TTC3: variants seen among roughly 807,000 people sequenced by gnomAD.
The protein encoded by TTC3 is tetratricopeptide repeat domain 3.
TTC3 carries 180 observed loss-of-function variants against 249.6 expected under a neutral mutation model. That is an observed-to-expected ratio of 0.72 (90% CI 0.64 to 0.82). The LOEUF is 0.82. Among genes scored for constraint, TTC3 ranks in the 40% least tolerant of loss-of-function variants. TTC3 has a pLI of 0.00. For missense variants in TTC3, 2,061 were observed against 2,398.4 expected, an observed-to-expected ratio of 0.86 and a Z score of 2.94; for synonymous variants, 717 against 805.0, an observed-to-expected ratio of 0.89 and a Z score of 1.85.
At chr21:37,129,478 C>T (rs955082917) in intron 16 of TTC3, among the ~76,000 whole-genome samples, 2 of 152,222 alleles carry the variant, frequency 1.3e-5, no homozygotes, top group African/African-American at 4.8e-5. Context: ...GGGAAACTTA[C>T]TCTGCATACG....
chr21:37,177,599 C>T (rs779213903), intron 35 of TTC3, among the ~76,000 whole-genome samples: 8 of 152,252 alleles, frequency 5.3e-5, no homozygotes, highest in African/African-American at 1.4e-4. Flanking sequence ...GTTTGTCATT[C>T]GATTTCTCAC....
chr21:37,077,038 C>A (rs1035354384), intron 1 of TTC3, among the ~76,000 whole-genome samples: 6 of 151,798 alleles, frequency 4.0e-5, no homozygotes, highest in African/African-American at 1.5e-4. Context: ...TTAGGGAAAG[C>A]CTCTTTTAAT....
chr21:37,073,656 A>G (rs2070357613), intron 1 of TTC3, among the ~76,000 whole-genome samples, 183 bp downstream of exon 1: 1 of 151,876 alleles, frequency 6.6e-6, no homozygotes, highest in Admixed American at 6.5e-5. Context: ...GGGTGTGAGT[A>G]GTCCCTTTGT....
chr21:37,129,586 A>G (rs1424910147), intron 16 of TTC3, among the ~76,000 whole-genome samples: 1 of 152,242 alleles, frequency 6.6e-6, no homozygotes, highest in Non-Finnish European at 1.5e-5. Flanking sequence ...AATGAATTCT[A>G]TCAAACATCC....
intron 35 of TTC3, among the ~76,000 whole-genome samples, chr21:37,176,767 AGCAGCTGAT>A (rs2082315176): frequency 6.6e-6 from 1 of 152,208 alleles, no homozygotes; most frequent in South Asian, 2.1e-4. Context: ...TGGAGGTGGG[AGCAGCTGAT>A]GCAGCTTTCC....
At chr21:37,146,474 G>A (rs778682966) in intron 21 of TTC3, among the ~76,000 whole-genome samples, 30 of 152,056 alleles carry the variant, frequency 2.0e-4, no homozygotes, top group African/African-American at 3.4e-4. Flanking sequence ...AGCTGAGATC[G>A]TGCCACTGCA....
rs546770303 is a variant in TTC3, at chr21:37,108,598, G to A, written c.900+152G>A. 229 of 748,898 alleles carry A rather than the reference G, an allele frequency of 3.1e-4. 1 individual carries two copies. Among genetic ancestry groups the A allele is most frequent in the Middle Eastern group, 1.5e-3 (4 of 2,676 alleles). 46.4% of individuals were successfully genotyped at this position (748,898 alleles called of 1,614,324 possible). ...GGGAGTCATCAGATCCATGATCAGC[G>A]TGGGGACCCAGCCACAGCACTGACA... On this transcript the variant is annotated intron_variant, in intron 11 of 45. Transcript: ENST00000355666.
At chr21:37,124,787 C>T (rs539491394) in intron 14 of TTC3, 45 bp downstream of exon 14, 1 of 1,590,114 alleles carries the variant, frequency 6.3e-7, no homozygotes, top group South Asian at 1.1e-5. Flanking sequence ...GATAGATAGT[C>T]TCATATTTTT....
chr21:37,148,164 G>A (rs1222646458), intron 22 of TTC3, among the ~76,000 whole-genome samples: 1 of 152,162 alleles, frequency 6.6e-6, no homozygotes, highest in East Asian at 1.9e-4. Context: ...AGGAGGATAG[G>A]AAACAAAGTG....
At chr21:37,124,112 C>CTTTTTGTTTT (rs2076852570) in intron 13 of TTC3, among the ~76,000 whole-genome samples, 1 of 61,272 alleles carries the variant, frequency 1.6e-5, no homozygotes, top group Non-Finnish European at 2.8e-5. Flanking sequence ...TTGAACTGTT[C>CTTTTTGTTTT]TTTTTTTTTT....
chr21:37,201,715 C>CA, exon 46 of TTC3: 3 of 1,111,070 alleles, frequency 2.7e-6, no homozygotes, highest in Non-Finnish European at 2.5e-6. Context: ...TCGTTAATAT[C>CA]GCTGATATTA....
exon 33 of TTC3, chr21:37,166,566 G>A (rs1438497766): frequency 6.8e-6 from 11 of 1,613,884 alleles, no homozygotes; most frequent in Non-Finnish European, 9.3e-6. Context: ...ATTCCAGAAA[G>A]CACCAGTGCA....
chr21:37,133,250 T>C (rs1336775403), intron 17 of TTC3, among the ~76,000 whole-genome samples: 2 of 152,200 alleles, frequency 1.3e-5, no homozygotes, highest in South Asian at 2.1e-4. Context: ...TTTAACTTAA[T>C]CAGATAATGT....
intron 35 of TTC3, among the ~76,000 whole-genome samples, chr21:37,173,408 C>A (rs2081977916): frequency 6.6e-6 from 1 of 152,172 alleles, no homozygotes; most frequent in African/African-American, 2.4e-5. Flanking sequence ...TTGTTGAGAT[C>A]TGCTGACCTT....
At chr21:37,111,875 G>A (rs62223615) in intron 11 of TTC3, among the ~76,000 whole-genome samples, 68,749 of 151,340 alleles carry the variant, frequency 0.45, 16,164 homozygotes, top group Non-Finnish European at 0.52. Flanking sequence ...CAATCAAACT[G>A]GAACTCAGGA....
chr21:37,141,323 G>T (rs1487468788), intron 20 of TTC3, among the ~76,000 whole-genome samples: 1 of 151,994 alleles, frequency 6.6e-6, no homozygotes, highest in African/African-American at 2.4e-5. Flanking sequence ...AGAAATAATT[G>T]TTGACTGATT....
At chr21:37,170,668 A>G (rs2081687457) in intron 34 of TTC3, among the ~76,000 whole-genome samples, 1 of 152,210 alleles carries the variant, frequency 6.6e-6, no homozygotes, top group African/African-American at 2.4e-5. Flanking sequence ...AATGTTTGAC[A>G]AGATCAATGT....
chr21:37,184,629 A>ATTTTTTTTTTTTT (rs765134090), intron 36 of TTC3, among the ~76,000 whole-genome samples: 7 of 121,560 alleles, frequency 5.8e-5, no homozygotes, highest in Admixed American at 1.7e-4. Flanking sequence ...TAATTTTTCT[A>ATTTTTTTTTTTTT]TTTTTTTTTT....
intron 22 of TTC3, among the ~76,000 whole-genome samples, chr21:37,147,939 G>A (rs2079126674): frequency 6.6e-6 from 1 of 152,164 alleles, no homozygotes; most frequent in Non-Finnish European, 1.5e-5. Flanking sequence ...ATATTGGCCA[G>A]GATGGTCTCG....
Sources: gnomAD v4.1 joint callset for allele counts (sites outside exome capture counted in the v4.1 genomes callset) on GRCh38, gnomAD v4.1.1 for gene constraint, MANE v1.5 for transcripts, NCBI Gene and HGNC (gene_info 2026-07-23, HGNC 2026-07-21) for gene names.